ACAD10: variants seen among roughly 807,000 people sequenced by gnomAD.
ACAD10 encodes ACAD-10.
In ACAD10, 112 loss-of-function variants were observed where a neutral mutation model predicts 116.8. The ratio of observed to expected loss-of-function variants is 0.96; its 90% CI spans 0.82 to 1.12. The LOEUF (loss-of-function observed/expected upper bound fraction) is 1.12, where lower values mean the gene tolerates loss of function less well. Among genes scored for constraint, ACAD10 ranks in the 50% most tolerant of loss-of-function variants. ACAD10 has a pLI of 0.00. For missense variants in ACAD10, 1,259 were observed against 1,350.2 expected (o/e 0.93, Z 1.06); for synonymous variants, 486 against 510.6 (o/e 0.95, Z 0.65).
In ACAD10 at chr12:111,720,778, A is replaced by AT. The variant is rs768589570; in HGVS notation, c.993-890dup. Among the ~76,000 whole-genome samples, 3 of 151,108 alleles carry AT rather than the reference A, an allele frequency of 2.0e-5. No homozygotes were observed. In the East Asian group the frequency reaches 5.8e-4, roughly 29 times the overall value. On this transcript the variant is annotated intron_variant, in intron 7 of 20. Coordinates refer to ENST00000313698, the MANE Select transcript of ACAD10 (RefSeq NM_025247.6). ...CTTTTATTTTTATTTTATTTCTTTT[A>AT]TTTATTTTATTTTATTTTTTTTTGA...
At chr12:111,748,964 A>T in intron 17 of ACAD10, 1 of 1,533,132 alleles carries the variant, frequency 6.5e-7, no homozygotes, top group Non-Finnish European at 8.9e-7. Flanking sequence ...ATCACAGAAT[A>T]GTCATTTGCC....
chr12:111,722,861 C>T lies in ACAD10; in HGVS notation c.1061+1122C>T, dbSNP rs544471024. Among the ~76,000 whole-genome samples, 77 of 152,258 alleles carry T rather than the reference C, an allele frequency of 5.1e-4. No homozygotes were observed. The South Asian group carries it at 5.2e-3, about 10-fold the overall frequency. Reference sequence around the variant, plus strand: ...TTCCTGCCTTTCTATTCCACAAAGCCGCCATTGTCATCCTGGCCCGTTCTC... The same window carrying T: ...TTCCTGCCTTTCTATTCCACAAAGCTGCCATTGTCATCCTGGCCCGTTCTC... On this transcript the variant is annotated intron_variant, in intron 8 of 20. Coordinates refer to ENST00000313698, the MANE Select transcript of ACAD10 (RefSeq NM_025247.6).
At chr12:111,688,204 A>G (rs1887936568) in intron 1 of ACAD10, 1 of 152,236 alleles carries the variant, frequency 6.6e-6, no homozygotes, top group Admixed American at 6.5e-5. Flanking sequence ...GCCCTCACAC[A>G]AAATATACAA....
At chr12:111,750,506 A>T (rs911009736) in intron 18 of ACAD10, among the ~76,000 whole-genome samples, 2 of 152,194 alleles carry the variant, frequency 1.3e-5, no homozygotes, top group Non-Finnish European at 2.9e-5. Context: ...GGATCGCTTG[A>T]GCCCAGGAGT....
chr12:111,724,387 A>G (rs1889150210), intron 8 of ACAD10, among the ~76,000 whole-genome samples: 1 of 152,076 alleles, frequency 6.6e-6, no homozygotes, highest in African/African-American at 2.4e-5. Flanking sequence ...GACACTCCTC[A>G]CTTCCCAGAC....
chr12:111,753,591 T>C lies in ACAD10; in HGVS notation c.2818-181T>C, dbSNP rs1310522252. 7.4e-6 allele frequency: 6 copies of C among 808,768 alleles called. No homozygotes were observed. In the East Asian group the frequency reaches 1.3e-4, roughly 18 times the overall value. The allele number at this position is 808,768 out of a possible 1,614,324, so 50.1% of individuals were successfully genotyped here. On this transcript the variant is annotated intron_variant, in intron 18 of 20. Transcript: ENST00000313698. ...AAGGTTGTGTGTCAGACCTACTCCC[T>C]GGACATGGCGCATGGCTGCACACAG...
At chr12:111,752,056 C>T (rs1426549115) in intron 18 of ACAD10, among the ~76,000 whole-genome samples, 4 of 127,964 alleles carry the variant, frequency 3.1e-5, no homozygotes, top group Admixed American at 2.3e-4. Context: ...GATACTCTGT[C>T]TCAAAAAAAA....
At chr12:111,731,973 C>T (rs113181739) in intron 10 of ACAD10, among the ~76,000 whole-genome samples, 14 of 152,116 alleles carry the variant, frequency 9.2e-5, no homozygotes, top group African/African-American at 3.1e-4. Context: ...CCCAGCTACT[C>T]GGGAGGGTGA....
At position 111,755,822 on chromosome 12, in the gene ACAD10, G is replaced by A. The variant is rs1365583163; in HGVS notation, c.3039+77G>A. 2.1e-6 allele frequency: 3 copies of A among 1,396,370 alleles called. No individual in the cohort carries two copies. The East Asian group carries it at 6.9e-5, about 32-fold the overall frequency. 86.5% of individuals were successfully genotyped at this position (1,396,370 alleles called of 1,614,324 possible). A position where few individuals can be genotyped will look rare whatever the true frequency, so the allele number is the denominator to read the frequency against. On this transcript the variant is annotated intron_variant, in intron 20 of 20. Transcript: ENST00000313698. ...AAACTCTCCTATCTTCAGCCGCCCA[G>A]CCTCCCATAGACCCTGGCAGATGCC...
chr12:111,698,067 T>A (rs568334132), intron 2 of ACAD10, among the ~76,000 whole-genome samples: 1 of 150,986 alleles, frequency 6.6e-6, no homozygotes, highest in East Asian at 2.0e-4. Context: ...TGATCTCGGC[T>A]CACTGTAACC....
At chr12:111,734,109 T>C (rs1889480810) in intron 11 of ACAD10, 41 bp downstream of exon 11, 3 of 1,612,350 alleles carry the variant, frequency 1.9e-6, no homozygotes, top group Non-Finnish European at 2.5e-6. Flanking sequence ...AGCAAGCCAG[T>C]TCTCCAAGCA....
intron 19 of ACAD10, among the ~76,000 whole-genome samples, chr12:111,755,081 C>G (rs999456403): frequency 6.6e-6 from 1 of 151,982 alleles, no homozygotes; most frequent in African/African-American, 2.4e-5. Context: ...TTTCTGCCTT[C>G]GGGTCTTTTT....
rs1890134762 is a variant in ACAD10, at chr12:111,753,772, G to A, written c.2818G>A (p.Val940Met). The change falls in exon 19 of 21, where the codon GTG (valine) becomes ATG (methionine). Residue 940 changes from valine (V) to methionine (M), a missense_variant and splice_region_variant. Val to Met is a conservative substitution (Grantham distance 21). Coordinates refer to ENST00000313698, the MANE Select transcript of ACAD10 (RefSeq NM_025247.6). ...AGCCGCACATCTCCTGTGTCGACAGGTGAAGTCCCGCTTGGCTTTTGGGAA... is the reference window on the plus strand; with the variant it reads ...AGCCGCACATCTCCTGTGTCGACAGATGAAGTCCCGCTTGGCTTTTGGGAA... ...ERALALMKAR[V>M]KSRLAFGKPL... The A allele has an allele frequency of 6.2e-7, 1 of 1,613,910 alleles. No individual in the cohort carries two copies. The highest frequency in any genetic ancestry group is 1.3e-5 in the African/African-American group (1 of 75,072).
At position 111,729,932 on chromosome 12, in the gene ACAD10, C is replaced by A. The variant is rs761176157; in HGVS notation, c.1370C>A (p.Thr457Asn). The change falls in exon 10 of 21, where the codon ACC becomes AAC. Residue 457 changes from threonine (T) to asparagine (N), a missense_variant. Coordinates refer to ENST00000313698, the MANE Select transcript of ACAD10 (RefSeq NM_025247.6). ...LPLHLPRQQRTTVVHGDFRLD... is the reference protein window; with the variant it reads ...LPLHLPRQQRNTVVHGDFRLD... ...CTCCATCTTCCCCGTCAGCAGAGGA[C>A]CACAGTGGTGCACGGGGACTTCAGG... The A allele has an allele frequency of 1.2e-5, 19 of 1,614,062 alleles. No individual in the cohort carries two copies. Among genetic ancestry groups the A allele is most frequent in the Middle Eastern group, 3.3e-4 (2 of 6,060 alleles).
intron 18 of ACAD10, chr12:111,753,478 C>T (rs1229711654): frequency 3.3e-6 from 2 of 614,128 alleles, no homozygotes; most frequent in South Asian, 3.0e-5. Flanking sequence ...GCCAGGCCTG[C>T]CCAGATGTGC....
In ACAD10 at chr12:111,729,875, C is replaced by T; in HGVS notation, c.1313C>T (p.Pro438Leu). ...CGAGCTTCCGAAACTAGCACCATCCCAGCCATGGAGAGGCTGATCGAATGG... is the reference window on the plus strand; with the variant it reads ...CGAGCTTCCGAAACTAGCACCATCCTAGCCATGGAGAGGCTGATCGAATGG... The part of the protein sequence containing the change: ...QYRASETSTI[P>L]AMERLIEWLP... Residue 438 changes from proline to leucine, a missense_variant, in exon 10 of 21, where the codon CCA becomes CTA. By Grantham distance (98) the Pro-to-Leu change is moderately conservative (BLOSUM62 -3). Coordinates refer to ENST00000313698, the MANE Select transcript of ACAD10 (RefSeq NM_025247.6). 1.9e-6 allele frequency: 3 copies of T among 1,614,166 alleles called. No homozygotes were observed. Among genetic ancestry groups the T allele is most frequent in the Non-Finnish European group, 2.5e-6 (3 of 1,180,034 alleles).
In ACAD10 at chr12:111,721,652, T is replaced by G; in HGVS notation, c.993-19T>G. 1 of 1,575,002 alleles carries G rather than the reference T, an allele frequency of 6.3e-7. No individual in the cohort carries two copies. The highest frequency in any genetic ancestry group is 1.4e-5 in the African/African-American group (1 of 73,900). The stretch of plus-strand genomic sequence containing the variant: ...TCAATTCAGCCAGCAATTTTGTTTA[T>G]TTTCATTTGTCCTTGCAGGATTATG... On this transcript the variant is annotated intron_variant, in intron 7 of 20. Transcript: ENST00000313698.
intron 3 of ACAD10, among the ~76,000 whole-genome samples, chr12:111,702,605 T>C (rs592311): frequency 0.28 from 41,756 of 151,748 alleles, 7,615 homozygotes; most frequent in East Asian, 0.9. Context: ...GTGGCGCACA[T>C]CTGTAATCCC....
intron 18 of ACAD10, chr12:111,752,952 T>A (rs1170077787): frequency 6.5e-6 from 1 of 154,614 alleles, no homozygotes; most frequent in Non-Finnish European, 1.4e-5. Context: ...GAGACCAGTC[T>A]GGGCAATGTA....
Sources: gnomAD v4.1 joint callset for allele counts (sites outside exome capture counted in the v4.1 genomes callset) on GRCh38, gnomAD v4.1.1 for gene constraint, MANE v1.5 for transcripts, NCBI Gene and HGNC (gene_info 2026-07-23, HGNC 2026-07-21) for gene names.